PCDH15: variants seen among roughly 807,000 people sequenced by gnomAD.
PCDH15 encodes protocadherin-15.
PCDH15 carries 129 observed loss-of-function variants against 178.5 expected under a neutral mutation model. The ratio of observed to expected loss-of-function variants is 0.72; its 90% CI spans 0.63 to 0.84. PCDH15 has a LOEUF of 0.84. Among genes scored for constraint, PCDH15 ranks in the 40% least tolerant of loss-of-function variants. PCDH15 has a pLI of 0.00. For synonymous variants in PCDH15, 800 were observed against 732.0 expected, an observed-to-expected ratio of 1.09 and a Z score of -1.50; for missense variants, 2,230 against 2,099.9, an observed-to-expected ratio of 1.06 and a Z score of -1.21.
chr10:55,140,320 C>T (rs1838312344), intron 2 of PCDH15, among the ~76,000 whole-genome samples: 1 of 151,812 alleles, frequency 6.6e-6, no homozygotes, highest in Non-Finnish European at 1.5e-5. Flanking sequence ...AAGATGAATG[C>T]TTTCAATTTT....
At chr10:54,467,811 T>C (rs1589568527) in intron 3 of PCDH15, among the ~76,000 whole-genome samples, 2 of 151,912 alleles carry the variant, frequency 1.3e-5, no homozygotes, top group African/African-American at 4.8e-5. Flanking sequence ...CTTTTCTTTG[T>C]TGGGAGACTT....
intron 18 of PCDH15, among the ~76,000 whole-genome samples, chr10:54,050,226 T>G (rs989695549): frequency 1.3e-5 from 2 of 152,286 alleles, no homozygotes; most frequent in Admixed American, 1.3e-4. Flanking sequence ...TCATTACTAA[T>G]TTAATTTCAA....
intron 5 of PCDH15, among the ~76,000 whole-genome samples, chr10:54,367,025 A>G (rs990885602): frequency 6.6e-6 from 1 of 152,156 alleles, no homozygotes; most frequent in Non-Finnish European, 1.5e-5. Flanking sequence ...TTGAAGATCA[A>G]TACATGTAAA....
chr10:54,799,816 A>G (rs1952459350), intron 1 of PCDH15, among the ~76,000 whole-genome samples: 1 of 152,158 alleles, frequency 6.6e-6, no homozygotes, highest in Non-Finnish European at 1.5e-5. Context: ...AACTTAAGCA[A>G]ACTAAAGAAA....
At chr10:54,476,928 T>G (rs12783387) in intron 3 of PCDH15, among the ~76,000 whole-genome samples, 1,792 of 152,244 alleles carry the variant, frequency 0.012, 26 homozygotes, top group Non-Finnish European at 0.018. Context: ...CAGTATCAAA[T>G]TTTCATTAAT....
At chr10:54,581,595 C>CA (rs1357869035) in intron 2 of PCDH15, among the ~76,000 whole-genome samples, 1 of 151,564 alleles carries the variant, frequency 6.6e-6, no homozygotes, top group Non-Finnish European at 1.5e-5. Context: ...AAATATAGAA[C>CA]AAAAAATAGC....
chr10:54,864,769 C>T (rs1406074398), intron 3 of PCDH15: 2 of 152,302 alleles, frequency 1.3e-5, no homozygotes, highest in South Asian at 2.1e-4. Context: ...CACTACTTCC[C>T]ATGCCAGCTG....
intron 16 of PCDH15, among the ~76,000 whole-genome samples, chr10:54,086,269 G>A (rs77233635): frequency 0.2 from 30,487 of 151,994 alleles, 3,271 homozygotes; most frequent in Non-Finnish European, 0.25. Context: ...AGGAGGGGTG[G>A]TGCCAGGCTC....
chr10:53,841,260 T>C (rs2077623960), intron 28 of PCDH15, among the ~76,000 whole-genome samples: 1 of 152,144 alleles, frequency 6.6e-6, no homozygotes, highest in Admixed American at 6.5e-5. Context: ...TATATAAATA[T>C]TAAGAGCATA....
intron 3 of PCDH15, among the ~76,000 whole-genome samples, chr10:54,384,228 G>A (rs1949643967): frequency 6.6e-6 from 1 of 151,856 alleles, no homozygotes; most frequent in Non-Finnish European, 1.5e-5. Context: ...CTCTTAACCT[G>A]TGTCTCCATT....
chr10:55,558,499 AT>A (rs1247613577), intron 2 of PCDH15, among the ~76,000 whole-genome samples: 2 of 152,118 alleles, frequency 1.3e-5, no homozygotes. Flanking sequence ...TTTACATCTA[AT>A]TTTTATTTTA....
chr10:53,941,018 T>A (rs1325957385), intron 23 of PCDH15, 43 bp from the exon 24 acceptor site: 2 of 1,358,656 alleles, frequency 1.5e-6, no homozygotes, highest in Non-Finnish European at 1.0e-6. Flanking sequence ...TTAAATATAA[T>A]TTTTGATGTA....
chr10:55,354,502 A>G (rs1845024409), intron 2 of PCDH15, among the ~76,000 whole-genome samples: 1 of 152,116 alleles, frequency 6.6e-6, no homozygotes, highest in Non-Finnish European at 1.5e-5. Flanking sequence ...TCATTTTCCT[A>G]ATATTCATCT....
chr10:53,877,856 T>C (rs953675189), intron 26 of PCDH15, among the ~76,000 whole-genome samples: 1 of 152,146 alleles, frequency 6.6e-6, no homozygotes, highest in East Asian at 1.9e-4. Flanking sequence ...TATAATACTT[T>C]AGGCCAAGCT....
chr10:55,205,119 T>A (rs1488061736), intron 1 of PCDH15, among the ~76,000 whole-genome samples: 2 of 151,970 alleles, frequency 1.3e-5, no homozygotes, highest in Non-Finnish European at 2.9e-5. Context: ...AAGTATAGTT[T>A]CAAGAATTAG....
chr10:54,810,442 G>A (rs1952844510), intron 3 of PCDH15, among the ~76,000 whole-genome samples: 1 of 151,930 alleles, frequency 6.6e-6, no homozygotes, highest in Non-Finnish European at 1.5e-5. Context: ...ATGTCTTCCT[G>A]GTTTGCCTAC....
chr10:54,353,690 T>A (rs1348698077), intron 5 of PCDH15, among the ~76,000 whole-genome samples: 1 of 152,184 alleles, frequency 6.6e-6, no homozygotes, highest in Non-Finnish European at 1.5e-5. Flanking sequence ...TTTTATTCTG[T>A]TTCATTAATG....
intron 26 of PCDH15, among the ~76,000 whole-genome samples, chr10:53,889,067 C>G (rs2081376275): frequency 6.7e-6 from 1 of 149,674 alleles, no homozygotes; most frequent in Non-Finnish European, 1.5e-5. Flanking sequence ...ACTCCAAACA[C>G]ACAAAAAAAT....
At chr10:55,491,483 A>G (rs1840416644) in intron 2 of PCDH15, among the ~76,000 whole-genome samples, 1 of 151,634 alleles carries the variant, frequency 6.6e-6, no homozygotes, top group Non-Finnish European at 1.5e-5. Context: ...TCAGAACTGC[A>G]GGGACTGCCA....
Sources: allele counts gnomAD v4.1 joint callset (sites outside exome capture counted in the v4.1 genomes callset), GRCh38; gene constraint gnomAD v4.1.1; transcripts MANE v1.5; gene names NCBI Gene and HGNC (gene_info 2026-07-23, HGNC 2026-07-21).